GSDMC: variants seen among roughly 807,000 people sequenced by gnomAD.
The protein encoded by GSDMC is gasdermin-C.
Under a neutral mutation model 58.0 loss-of-function variants are expected in GSDMC, and 59 were observed. The ratio of observed to expected loss-of-function variants is 1.02; its 90% CI spans 0.82 to 1.26. The LOEUF (loss-of-function observed/expected upper bound fraction) is 1.26. Ranked by LOEUF, GSDMC falls within the 50% of genes most tolerant of loss-of-function variation. The probability of loss-of-function intolerance (pLI) is 0.00; values close to 1 mark genes in which losing one functional copy is unlikely to be tolerated. For missense variants in GSDMC, 659 were observed against 598.5 expected, an observed-to-expected ratio of 1.10 and a Z score of -1.06; for synonymous variants, 241 against 220.2, an observed-to-expected ratio of 1.09 and a Z score of -0.83.
chr8:129,720,125 A>T, the GSDMC span, among the ~76,000 whole-genome samples: 9 of 152,352 alleles, frequency 5.9e-5, no homozygotes, highest in Non-Finnish European at 1.3e-4. Flanking sequence ...TGCTCAAGGT[A>T]GCCAAGCTAG....
chr8:129,748,700 C>A lies in GSDMC; in HGVS notation c.1328G>T (p.Ser443Ile). Reference sequence around the variant, plus strand: ...CTCAGGTTTGAGGGTGAAGGGAATGCTCCAGGGGTATCTGAAGTTTGGCTC... The same window carrying A: ...CTCAGGTTTGAGGGTGAAGGGAATGATCCAGGGGTATCTGAAGTTTGGCTC... ...ILEPNFRYPW[S>I]IPFTLKPELL... The change falls in exon 14 of 14, where the codon AGC becomes ATC. Residue 443 changes from serine (S) to isoleucine (I), a missense_variant. By Grantham distance (142) the Ser-to-Ile change is moderately radical. Coordinates refer to ENST00000276708, the MANE Select transcript of GSDMC (RefSeq NM_031415.3). 3 of 1,563,436 alleles carry A rather than the reference C, an allele frequency of 1.9e-6. No individual in the cohort carries two copies. The South Asian group carries it at 3.6e-5, about 19-fold the overall frequency.
At chr8:129,760,004 T>C (rs999883784) in intron 6 of GSDMC, among the ~76,000 whole-genome samples, 2 of 152,098 alleles carry the variant, frequency 1.3e-5, no homozygotes, top group African/African-American at 2.4e-5. Context: ...ATCAAACATA[T>C]ACAAAATGGT....
intron 6 of GSDMC, among the ~76,000 whole-genome samples, chr8:129,753,140 T>G (rs1274487777): frequency 6.6e-6 from 1 of 152,194 alleles, no homozygotes; most frequent in African/African-American, 2.4e-5. Context: ...GAGTGACATG[T>G]GACCTAAAGA....
At chr8:129,748,165 C>T, downstream of GSDMC, 1 of 172,938 alleles carries the variant, frequency 5.8e-6, no homozygotes, top group East Asian at 1.5e-4. Flanking sequence ...GTACACTTCA[C>T]CCAAAACAAT....
the GSDMC span, among the ~76,000 whole-genome samples, chr8:129,733,358 C>T: frequency 8.2e-4 from 125 of 152,348 alleles, no homozygotes; most frequent in Non-Finnish European, 3.8e-4. Context: ...AGACTGCCTC[C>T]TCGAGTGGGT....
Position 129,748,332 on chromosome 8 carries a change from G to T in GSDMC, c.*169C>A. On this transcript the variant is annotated 3_prime_UTR_variant, in exon 14 of 14. Transcript: ENST00000276708. ...ATATATAAACTCTTGTCAATATATA[G>T]AGTATTCCACCACCCCAAAACATTT... The T allele has an allele frequency of 1.8e-6, 1 of 559,064 alleles. No homozygotes were observed. Among genetic ancestry groups the T allele is most frequent in the Non-Finnish European group, 3.0e-6 (1 of 328,056 alleles). 34.6% of individuals were successfully genotyped at this position (559,064 alleles called of 1,614,324 possible).
chr8:129,750,288 T>G (rs1368845351), intron 11 of GSDMC, 143 bp downstream of exon 11: 1 of 1,048,718 alleles, frequency 9.5e-7, no homozygotes, highest in African/African-American at 1.6e-5. Context: ...TGGCCCATTG[T>G]GCCCGGCACC....
intron 3 of GSDMC, among the ~76,000 whole-genome samples, chr8:129,773,129 G>C (rs1371998725): frequency 6.6e-6 from 1 of 152,050 alleles, no homozygotes; most frequent in Non-Finnish European, 1.5e-5. Context: ...CATAATGAAG[G>C]CTATACATGG....
chr8:129,715,615 T>A, the GSDMC span, among the ~76,000 whole-genome samples: 1 of 152,028 alleles, frequency 6.6e-6, no homozygotes, highest in African/African-American at 2.4e-5. Flanking sequence ...AAAGAAAAAC[T>A]TTTACAGATA....
chr8:129,765,553 TAGGAAATGAAGCTTGGCTGCCAGG>T, intron 4 of GSDMC, 51 bp downstream of exon 4: 5 of 1,037,436 alleles, frequency 4.8e-6, no homozygotes, highest in Non-Finnish European at 7.6e-6. Context: ...CAGAGCCCCC[TAGGAAATGAAGCTTGGCTGCCAGG>T]ACTGGCTGTA....
At chr8:129,756,929 C>T (rs920326760) in intron 6 of GSDMC, among the ~76,000 whole-genome samples, 6 of 151,952 alleles carry the variant, frequency 3.9e-5, no homozygotes, top group African/African-American at 1.4e-4. Context: ...ATATTTATAG[C>T]TATAAGTGCC....
downstream of GSDMC, among the ~76,000 whole-genome samples, chr8:129,745,258 T>C (rs1286794766): frequency 2.0e-5 from 3 of 152,246 alleles, no homozygotes; most frequent in Non-Finnish European, 4.4e-5. Flanking sequence ...CTTTTTCATA[T>C]GGCTTCCAAG....
chr8:129,728,916 T>C, the GSDMC span: 8 of 662,602 alleles, frequency 1.2e-5, no homozygotes, highest in South Asian at 1.0e-4. Flanking sequence ...TGAAGCCCAT[T>C]TGAAGGTCAG....
At chr8:129,722,104 T>C in the GSDMC span, among the ~76,000 whole-genome samples, 1 of 152,244 alleles carries the variant, frequency 6.6e-6, no homozygotes, top group Non-Finnish European at 1.5e-5. Flanking sequence ...TCCAATTTCA[T>C]TCCAGTTTAA....
At chr8:129,762,800 G>A in intron 4 of GSDMC, 69 bp from the exon 5 acceptor site, 1 of 1,045,866 alleles carries the variant, frequency 9.6e-7, no homozygotes, top group Non-Finnish European at 1.5e-6. Flanking sequence ...GCTCTAGAAA[G>A]CTCATTAGGA....
intron 10 of GSDMC, among the ~76,000 whole-genome samples, chr8:129,750,866 TG>T (rs751044992): frequency 6.6e-6 from 1 of 152,192 alleles, no homozygotes; most frequent in Non-Finnish European, 1.5e-5. Flanking sequence ...TGGTCATTTC[TG>T]GGACATGTCA....
At chr8:129,751,445 AC>A in intron 10 of GSDMC, 96 bp downstream of exon 10, 1 of 918,324 alleles carries the variant, frequency 1.1e-6, no homozygotes, top group South Asian at 1.5e-5. Flanking sequence ...TTGGAAGTGG[AC>A]CTCAGTTTCT....
intron 3 of GSDMC, among the ~76,000 whole-genome samples, chr8:129,772,507 C>T (rs373758641): frequency 3.3e-5 from 5 of 151,938 alleles, no homozygotes; most frequent in East Asian, 3.9e-4. Flanking sequence ...TAAATACCGA[C>T]AAACTGGGGT....
intron 5 of GSDMC, among the ~76,000 whole-genome samples, chr8:129,761,053 C>T (rs936118460): frequency 2.0e-5 from 3 of 152,094 alleles, no homozygotes; most frequent in Non-Finnish European, 4.4e-5. Context: ...AAAGTGTGAA[C>T]TGAATGAAGT....
Sources: allele counts gnomAD v4.1 joint callset (sites outside exome capture counted in the v4.1 genomes callset), GRCh38; gene constraint gnomAD v4.1.1; transcripts MANE v1.5; gene names NCBI Gene and HGNC (gene_info 2026-07-23, HGNC 2026-07-21).